Variants in DNAL4 observed in about 807,000 individuals in gnomAD.
DNAL4 encodes the protein dynein light chain, outer arm 4.
Under a neutral mutation model 12.6 loss-of-function variants are expected in DNAL4, and 10 were observed. The observed-to-expected ratio is 0.79, with a 90% CI of 0.49 to 1.34. The LOEUF is 1.34. Among genes scored for constraint, DNAL4 ranks in the 40% most tolerant of loss-of-function variants. The pLI is 0.00. For missense variants in DNAL4, 128 were observed against 138.1 expected (o/e 0.93, Z 0.37); for synonymous variants, 46 against 53.1 (o/e 0.87, Z 0.58).
intron 1 of DNAL4, among the ~76,000 whole-genome samples, chr22:38,784,340 G>C (rs2146165739): frequency 6.6e-6 from 1 of 152,240 alleles, no homozygotes; most frequent in East Asian, 1.9e-4. Context: ...TGTGAATCCA[G>C]GCCCGGCTGT....
chr22:38,780,460 C>A (rs537584879), intron 3 of DNAL4, among the ~76,000 whole-genome samples: 2 of 152,350 alleles, frequency 1.3e-5, no homozygotes, highest in African/African-American at 4.8e-5. Flanking sequence ...CCACCGGCTG[C>A]CGCAACACTG....
In DNAL4 at chr22:38,782,863, G is replaced by A. The variant is rs2093036480; in HGVS notation, c.-132C>T. ...GTGGGAGCAGAAAATGTCTTTCCCC[G>A]GGGGGTGCTGCAGAAAACAGGAGAA... On this transcript the variant is annotated 5_prime_UTR_variant, in exon 2 of 4. Coordinates refer to ENST00000216068, the MANE Select transcript of DNAL4 (RefSeq NM_005740.3). This position sits in a 1 kb window ranked among gnomAD's most constrained non-coding sequence, Gnocchi z 5.1. 7.8e-6 allele frequency: 6 copies of A among 767,576 alleles called. No homozygotes were observed. The highest frequency in any genetic ancestry group is 3.4e-5 in the Admixed American group (1 of 29,398). The allele number at this position is 767,576 out of a possible 1,614,324, so 47.5% of individuals were successfully genotyped here.
rs2294180 is a variant in DNAL4 at position 38,794,091 on chromosome 22, G to T, written c.-163C>A. The T allele has an allele frequency of 0.07, 10,590 of 152,300 alleles. 412 individuals carry two copies. Among genetic ancestry groups the T allele is most frequent in the South Asian group, 0.15 (722 of 4,830 alleles). 9.4% of individuals were successfully genotyped at this position (152,300 alleles called of 1,614,324 possible). A position where few individuals can be genotyped will look rare whatever the true frequency, so the allele number is the denominator to read the frequency against. On this transcript the variant is annotated 5_prime_UTR_variant, in exon 1 of 4. Coordinates refer to ENST00000216068, the MANE Select transcript of DNAL4 (RefSeq NM_005740.3). ...ACCTGCTCCTGCGGGGGCCGGAGCC[G>T]GGGCCGCAGCCAGCGAACCCCCGCC...
In DNAL4 at chr22:38,779,983, G is replaced by A. The variant is rs1484700837; in HGVS notation, c.154-370C>T. The stretch of plus-strand genomic sequence containing the variant: ...CAAGCGGGGCACCAGGCAGTCTCAG[G>A]ACCAACTGGATGGAGAGACCTGGCA... On this transcript the variant is annotated intron_variant, in intron 3 of 3. Coordinates refer to ENST00000216068, the MANE Select transcript of DNAL4 (RefSeq NM_005740.3). This position sits in a 1 kb window ranked among gnomAD's most constrained non-coding sequence, Gnocchi z 4.3. Among the ~76,000 whole-genome samples, 2 of 152,298 alleles carry A rather than the reference G, an allele frequency of 1.3e-5. No homozygotes were observed. Among genetic ancestry groups the A allele is most frequent in the East Asian group, 1.9e-4 (1 of 5,180 alleles).
At chr22:38,788,219 A>C (rs2093045336) in intron 1 of DNAL4, among the ~76,000 whole-genome samples, 1 of 152,306 alleles carries the variant, frequency 6.6e-6, no homozygotes, top group East Asian at 1.9e-4. Context: ...TAAGGTCAGG[A>C]AATGATGCAG....
intron 1 of DNAL4, among the ~76,000 whole-genome samples, chr22:38,789,149 C>T (rs1389063404): frequency 6.6e-6 from 1 of 152,188 alleles, no homozygotes; most frequent in Admixed American, 6.5e-5. Context: ...CAGACAGGTA[C>T]TACTAGCCCT....
At position 38,779,488 on chromosome 22, in the gene DNAL4, G is replaced by A. The variant is rs1448408794; in HGVS notation, c.279C>T (p.Phe93=). 8.9e-6 allele frequency: 14 copies of A among 1,580,772 alleles called. No individual in the cohort carries two copies. Among genetic ancestry groups the A allele is most frequent in the Admixed American group, 1.8e-5 (1 of 55,356 alleles). ...HEVKNLLYLY[F]GGTLAVCVWK... ...AGACGCACACAGCCAGGGTGCCCCC[G>A]AAGTACAGGTAGAGGAGGTTCTTCA... Residue 93 remains phenylalanine (F), a synonymous_variant, in exon 4 of 4, where the codon TTC becomes TTT. Transcript: ENST00000216068. This position sits in a 1 kb window ranked among gnomAD's most constrained non-coding sequence, Gnocchi z 4.3.
intron 1 of DNAL4, among the ~76,000 whole-genome samples, chr22:38,784,950 G>T (rs1276974669): frequency 1.3e-5 from 2 of 150,404 alleles, no homozygotes; most frequent in East Asian, 3.9e-4. Context: ...CGGCTCCCTC[G>T]CATGAGGCTG....
At chr22:38,784,244 G>A (rs975253968) in intron 1 of DNAL4, among the ~76,000 whole-genome samples, 38 of 152,166 alleles carry the variant, frequency 2.5e-4, no homozygotes, top group African/African-American at 7.5e-4. Flanking sequence ...CAACAACCCC[G>A]GGAGTTCGGT....
intron 1 of DNAL4, among the ~76,000 whole-genome samples, chr22:38,791,042 C>G (rs2093049803): frequency 6.6e-6 from 1 of 151,850 alleles, no homozygotes; most frequent in Admixed American, 6.6e-5. Flanking sequence ...TGGCGCGCGC[C>G]TGTAATCCCA....
chr22:38,784,323 G>T (rs1204252361), intron 1 of DNAL4, among the ~76,000 whole-genome samples: 1 of 152,158 alleles, frequency 6.6e-6, no homozygotes, highest in Non-Finnish European at 1.5e-5. Flanking sequence ...TAGCGACACA[G>T]CTAAGGTGTG....
chr22:38,779,899 G>A lies in DNAL4; in HGVS notation c.154-286C>T, dbSNP rs1451918893. Among the ~76,000 whole-genome samples the A allele has an allele frequency of 6.6e-6, 1 of 152,176 alleles. No homozygotes were observed. The highest frequency in any genetic ancestry group is 1.5e-5 in the Non-Finnish European group (1 of 68,026). ...GGAGATAGCCTGGGGCTGCGTCCTG[G>A]CTCTGCACTTAGTGCGGGCTTCCTG... On this transcript the variant is annotated intron_variant, in intron 3 of 3. Transcript: ENST00000216068. The surrounding 1 kb of genome is among the most constrained non-coding windows in gnomAD (Gnocchi z 4.3).
In DNAL4 at chr22:38,779,417, G is replaced by A. The variant is rs1257464747; in HGVS notation, c.*32C>T. ...CACCCCAGATGAGTGGCAGGAAAAG[G>A]CCCTGCAGGGGACGGGGCAGGGGAC... On this transcript the variant is annotated 3_prime_UTR_variant, in exon 4 of 4. Transcript: ENST00000216068. This position sits in a 1 kb window ranked among gnomAD's most constrained non-coding sequence, Gnocchi z 4.3. 6.5e-7 allele frequency: 1 copy of A among 1,547,926 alleles called. No homozygotes were observed. The highest frequency in any genetic ancestry group is 8.7e-7 in the Non-Finnish European group (1 of 1,144,422).
In DNAL4 at chr22:38,779,723, C is replaced by G. The variant is rs2093031394; in HGVS notation, c.154-110G>C. The G allele has an allele frequency of 3.0e-6, 4 of 1,348,332 alleles. No homozygotes were observed. The highest frequency in any genetic ancestry group is 1.9e-4 in the Middle Eastern group (1 of 5,170). 83.5% of individuals were successfully genotyped at this position (1,348,332 alleles called of 1,614,324 possible). The stretch of plus-strand genomic sequence containing the variant: ...CACTGAGGTCTTGGCAAGAGAAAGG[C>G]CTGCTGTCCTATTTCTCTTGTCCTC... On this transcript the variant is annotated intron_variant, in intron 3 of 3. Coordinates refer to ENST00000216068, the MANE Select transcript of DNAL4 (RefSeq NM_005740.3). The surrounding 1 kb of genome is among the most constrained non-coding windows in gnomAD (Gnocchi z 4.3).
At chr22:38,789,504 G>A (rs1032542427) in intron 1 of DNAL4, among the ~76,000 whole-genome samples, 4 of 152,142 alleles carry the variant, frequency 2.6e-5, no homozygotes, top group African/African-American at 9.7e-5. Flanking sequence ...TCAAACACCT[G>A]AGCTCAAGCA....
Position 38,782,882 on chromosome 22 carries a change from A to C in DNAL4, c.-139-12T>G. ...TTCCCCGGGGGGTGCTGCAGAAAAC[A>C]GGAGAAACCAGAAAAAAAGAGCTGG... is the stretch of plus-strand genomic sequence containing the variant. On this transcript the variant is annotated splice_polypyrimidine_tract_variant and intron_variant, in intron 1 of 3. Coordinates refer to ENST00000216068, the MANE Select transcript of DNAL4 (RefSeq NM_005740.3). This position sits in a 1 kb window ranked among gnomAD's most constrained non-coding sequence, Gnocchi z 5.1. 1 of 627,118 alleles carries C rather than the reference A, an allele frequency of 1.6e-6. No individual in the cohort carries two copies. The highest frequency in any genetic ancestry group is 2.6e-6 in the Non-Finnish European group (1 of 378,450). The allele number at this position is 627,118 out of a possible 1,614,324, so 38.8% of individuals were successfully genotyped here. A position where few individuals can be genotyped will look rare whatever the true frequency, so the allele number is the denominator to read the frequency against.
Position 38,782,616 on chromosome 22 carries a change from CTGTGTGGGCCCTGCCGGCAG to C in DNAL4, c.69+27_69+46del, listed in dbSNP as rs1429502816. On this transcript the variant is annotated intron_variant, in intron 2 of 3. Transcript: ENST00000216068. The surrounding 1 kb of genome is among the most constrained non-coding windows in gnomAD (Gnocchi z 5.1). ...CAAGCTCCACCCACCTCTCTCCAGG[CTGTGTGGGCCCTGCCGGCAG>C]TCCTGCCTCCCTCCCCTGGGGCTTA... 1.7e-5 allele frequency: 27 copies of C among 1,595,844 alleles called. No individual in the cohort carries two copies. The highest frequency in any genetic ancestry group is 2.2e-5 in the Non-Finnish European group (26 of 1,166,474).
intron 1 of DNAL4, among the ~76,000 whole-genome samples, 195 bp from the exon 2 acceptor site, chr22:38,783,065 A>G (rs1267040148): frequency 2.0e-5 from 3 of 152,198 alleles, no homozygotes; most frequent in African/African-American, 7.2e-5. Context: ...ACACACTGGT[A>G]CGATGCCGCA....
At chr22:38,781,063 C>T in intron 2 of DNAL4, 54 bp from the exon 3 acceptor site, 1 of 1,601,492 alleles carries the variant, frequency 6.2e-7, no homozygotes, top group East Asian at 2.2e-5. Context: ...CGTGACCTGG[C>T]CTTCCTGGCT....
Sources: gnomAD v4.1 joint callset for allele counts (sites outside exome capture counted in the v4.1 genomes callset) on GRCh38, gnomAD v4.1.1 for gene constraint, Gnocchi (gnomAD v3.1) non-coding constraint, MANE v1.5 for transcripts, NCBI Gene and HGNC (gene_info 2026-07-23, HGNC 2026-07-21) for gene names.